ADGB: variants seen among roughly 807,000 people sequenced by gnomAD.
ADGB encodes the protein androglobin.
ADGB carries 172 observed loss-of-function variants against 210.5 expected under a neutral mutation model. The observed-to-expected ratio is 0.82, with a 90% CI of 0.72 to 0.93. The LOEUF is 0.93. Ranked by LOEUF, ADGB falls within the 40% of genes least tolerant of loss-of-function variation. ADGB has a pLI of 0.00. For synonymous variants in ADGB, 658 were observed against 662.7 expected, an observed-to-expected ratio of 0.99 and a Z score of 0.11; for missense variants, 2,025 against 1,964.8, an observed-to-expected ratio of 1.03 and a Z score of -0.58.
At chr6:146,728,458 A>G (rs1306642589) in intron 19 of ADGB, 116 bp from the exon 20 acceptor site, 9 of 1,071,908 alleles carry the variant, frequency 8.4e-6, no homozygotes, top group Non-Finnish European at 1.1e-5. Flanking sequence ...CAAATCCTCT[A>G]TAAAGAATTA....
intron 1 of ADGB, among the ~76,000 whole-genome samples, chr6:146,607,077 G>T (rs973080006): frequency 6.6e-6 from 1 of 152,060 alleles, no homozygotes; most frequent in Non-Finnish European, 1.5e-5. Flanking sequence ...ATTTCTTTAA[G>T]CAATGTTTTG....
Position 146,752,684 on chromosome 6 carries a change from T to C in ADGB, c.3520T>C (p.Leu1174=). 1 of 1,550,436 alleles carries C rather than the reference T, an allele frequency of 6.4e-7. No individual in the cohort carries two copies. Among genetic ancestry groups the C allele is most frequent in the Non-Finnish European group, 8.7e-7 (1 of 1,146,230 alleles). Residue 1174 remains leucine, a synonymous_variant, in exon 27 of 36, where the codon TTG becomes CTG. Coordinates refer to ENST00000397944, the MANE Select transcript of ADGB (RefSeq NM_024694.4). ...GQAIIPAFHF[L]KSEKGLSSQS... is the part of the protein sequence containing the mutation. Reference sequence around the variant, plus strand: ...AGCTATAATCCCAGCATTTCACTTCTTGAAGAGTGAGAAAGGTTTGAGCTC... The same window carrying C: ...AGCTATAATCCCAGCATTTCACTTCCTGAAGAGTGAGAAAGGTTTGAGCTC...
intron 2 of ADGB, among the ~76,000 whole-genome samples, chr6:146,643,868 G>T (rs1486923264): frequency 6.6e-6 from 1 of 151,860 alleles, no homozygotes; most frequent in East Asian, 1.9e-4. Flanking sequence ...AATCTCCAGA[G>T]AATTATACTG....
intron 1 of ADGB, among the ~76,000 whole-genome samples, chr6:146,616,616 G>T (rs1488084799): frequency 6.6e-6 from 1 of 152,066 alleles, no homozygotes; most frequent in Admixed American, 6.6e-5. Flanking sequence ...TATGGTGAAA[G>T]GTGGGGGTCT....
At chr6:146,729,333 T>A (rs1421634354) in intron 20 of ADGB, among the ~76,000 whole-genome samples, 1 of 152,240 alleles carries the variant, frequency 6.6e-6, no homozygotes, top group African/African-American at 2.4e-5. Context: ...CTTCTTCAAT[T>A]TTATTTGGAA....
chr6:146,699,251 G>A (rs1776453580), intron 12 of ADGB, among the ~76,000 whole-genome samples: 1 of 152,146 alleles, frequency 6.6e-6, no homozygotes, highest in African/African-American at 2.4e-5. Context: ...GAACCAGGGA[G>A]GTCAGTAGCA....
intron 3 of ADGB, among the ~76,000 whole-genome samples, chr6:146,648,555 AG>A (rs1241007126): frequency 1.3e-5 from 2 of 152,078 alleles, no homozygotes; most frequent in East Asian, 1.9e-4. Flanking sequence ...GGGAGAGTAA[AG>A]GGGGAAGTGC....
intron 1 of ADGB, among the ~76,000 whole-genome samples, chr6:146,607,170 G>C (rs1160759733): frequency 6.6e-6 from 1 of 152,094 alleles, no homozygotes; most frequent in Non-Finnish European, 1.5e-5. Context: ...CTGTGAATGG[G>C]ATTGCATTTT....
chr6:146,655,247 G>A (rs1775762879), intron 4 of ADGB, among the ~76,000 whole-genome samples: 1 of 152,174 alleles, frequency 6.6e-6, no homozygotes, highest in Non-Finnish European at 1.5e-5. Flanking sequence ...TGGACATGAA[G>A]TGGCTGCCCA....
At chr6:146,751,250 A>T (rs1230098852) in intron 26 of ADGB, among the ~76,000 whole-genome samples, 1 of 151,436 alleles carries the variant, frequency 6.6e-6, no homozygotes, top group Admixed American at 6.6e-5. Context: ...CTGCTCCTGC[A>T]TTAGTTTGCT....
intron 25 of ADGB, among the ~76,000 whole-genome samples, chr6:146,745,616 C>T (rs1468196969): frequency 1.3e-5 from 2 of 152,114 alleles, no homozygotes; most frequent in African/African-American, 4.8e-5. Context: ...AAAAATCTGC[C>T]ATGGGAGGCA....
At chr6:146,729,963 GA>G (rs1193115995) in intron 20 of ADGB, among the ~76,000 whole-genome samples, 1 of 152,090 alleles carries the variant, frequency 6.6e-6, no homozygotes, top group Non-Finnish European at 1.5e-5. Context: ...TGTGACAACT[GA>G]AAAAGACTTC....
Position 146,728,741 on chromosome 6 carries a change from G to A in ADGB, c.2520G>A (p.Arg840=). The A allele has an allele frequency of 6.5e-7, 1 of 1,534,684 alleles. No homozygotes were observed. Among genetic ancestry groups the A allele is most frequent in the Non-Finnish European group, 8.8e-7 (1 of 1,135,968 alleles). The change falls in exon 20 of 36, where the codon AGG becomes AGA. Residue 840 remains arginine, a splice_region_variant and synonymous_variant. Transcript: ENST00000397944. ...HDKELTAQHF[R]VFHLSLWRLM... is the part of the protein sequence containing the mutation. ...AAGAACTAACTGCACAGCACTTCAG[G>A]GTAAGCTTGTTTGGGATACAATGTT...
At chr6:146,768,806 G>C (rs1777612160) in intron 28 of ADGB, among the ~76,000 whole-genome samples, 1 of 152,094 alleles carries the variant, frequency 6.6e-6, no homozygotes, top group Non-Finnish European at 1.5e-5. Context: ...TATAAAGTTG[G>C]GTAGTGGCAG....
chr6:146,807,917 A>T (rs1778236716), intron 35 of ADGB: 1 of 162,040 alleles, frequency 6.2e-6, no homozygotes, highest in Non-Finnish European at 1.3e-5. Context: ...CAGCGATGAG[A>T]AAAGTGGCTT....
In ADGB at chr6:146,724,218, G is replaced by A. The variant is rs774509614; in HGVS notation, c.2128G>A (p.Gly710Arg). 2 of 1,550,964 alleles carry A rather than the reference G, an allele frequency of 1.3e-6. No homozygotes were observed. The highest frequency in any genetic ancestry group is 2.0e-5 in the Admixed American group (1 of 50,802). The change falls in exon 18 of 36, where the codon GGA (glycine) becomes AGA (arginine). Residue 710 changes from glycine (G) to arginine (R), a missense_variant. Gly to Arg is a moderately radical substitution (Grantham distance 125). Transcript: ENST00000397944. ...AAAAGACAGTCCTCCCATAGAGCCT[G>A]GACTTCTCACAGCTGAAACGTTTTC... ...LTKDSPPIEP[G>R]LLTAETFSWK...
chr6:146,631,412 A>G (rs970892161), intron 1 of ADGB, among the ~76,000 whole-genome samples: 1 of 152,154 alleles, frequency 6.6e-6, no homozygotes, highest in African/African-American at 2.4e-5. Context: ...TATCTCACAG[A>G]ATGTTTATGA....
chr6:146,809,411 G>C (rs1210834506), intron 35 of ADGB, among the ~76,000 whole-genome samples: 1 of 152,068 alleles, frequency 6.6e-6, no homozygotes. Context: ...TCACCAGGTC[G>C]ACCAGGCTGG....
At chr6:146,623,405 G>T (rs1490903039) in intron 1 of ADGB, among the ~76,000 whole-genome samples, 2 of 151,636 alleles carry the variant, frequency 1.3e-5, no homozygotes, top group African/African-American at 4.8e-5. Context: ...TCAGTCTACT[G>T]GTCTTGAGCA....
Sources: gnomAD v4.1 joint callset for allele counts (sites outside exome capture counted in the v4.1 genomes callset) on GRCh38, gnomAD v4.1.1 for gene constraint, MANE v1.5 for transcripts, NCBI Gene and HGNC (gene_info 2026-07-23, HGNC 2026-07-21) for gene names.